CFAP69: variants seen among roughly 807,000 people sequenced by gnomAD.
CFAP69 encodes cilia- and flagella-associated protein 69.
Under a neutral mutation model 123.0 loss-of-function variants are expected in CFAP69, and 92 were observed. That is an observed-to-expected ratio of 0.75 (90% CI 0.63 to 0.89). The LOEUF is 0.89. Ranked by LOEUF, CFAP69 falls within the 40% of genes least tolerant of loss-of-function variation. CFAP69 has a pLI of 0.00. For missense variants in CFAP69, 1,067 were observed against 1,096.9 expected (o/e 0.97, Z 0.39); for synonymous variants, 380 against 364.3 (o/e 1.04, Z -0.49).
At chr7:90,297,283 A>G (rs1767621949) in intron 15 of CFAP69, among the ~76,000 whole-genome samples, 1 of 152,190 alleles carries the variant, frequency 6.6e-6, no homozygotes, top group African/African-American at 2.4e-5. Flanking sequence ...ATAATGAGGC[A>G]TGTCCAACCC....
Position 90,309,361 on chromosome 7 carries a change from C to T in CFAP69, c.2649C>T (p.Asn883=). 6.5e-7 allele frequency: 1 copy of T among 1,538,376 alleles called. No homozygotes were observed. Among genetic ancestry groups the T allele is most frequent in the Non-Finnish European group, 8.9e-7 (1 of 1,126,856 alleles). Residue 883 remains asparagine, a synonymous_variant, in exon 22 of 23, where the codon AAC becomes AAT. Transcript: ENST00000389297. ...ACCAAACACATATTAAAGGCCTTAA[C>T]ACAACGGTAAGATTCTTTCTCCATA... ...IFHQTHIKGL[N]TTVPSGGVVT... is the part of the protein sequence containing the mutation.
intron 1 of CFAP69, among the ~76,000 whole-genome samples, chr7:90,247,866 CA>C (rs1312739174): frequency 6.6e-6 from 1 of 152,008 alleles, no homozygotes; most frequent in Non-Finnish European, 1.5e-5. Flanking sequence ...CAAAACAAAA[CA>C]AAAAGAAATA....
Position 90,309,362 on chromosome 7 carries a change from A to C in CFAP69, c.2650A>C (p.Thr884Pro). The change falls in exon 22 of 23, where the codon ACA becomes CCA. Residue 884 changes from threonine (T) to proline (P), a missense_variant. By Grantham distance (38) the Thr-to-Pro change is conservative (BLOSUM62 -1). Transcript: ENST00000389297. ...CCAAACACATATTAAAGGCCTTAAC[A>C]CAACGGTAAGATTCTTTCTCCATAA... is the stretch of plus-strand genomic sequence containing the variant. ...FHQTHIKGLNTTVPSGGVVTV... is the reference protein window; with the variant it reads ...FHQTHIKGLNPTVPSGGVVTV... 1.3e-6 allele frequency: 2 copies of C among 1,526,596 alleles called. No homozygotes were observed. Among genetic ancestry groups the C allele is most frequent in the Non-Finnish European group, 1.8e-6 (2 of 1,117,982 alleles). The allele number at this position is 1,526,596 out of a possible 1,614,324, so 94.6% of individuals were successfully genotyped here.
intron 15 of CFAP69, among the ~76,000 whole-genome samples, chr7:90,290,918 C>G (rs1791086309): frequency 6.6e-6 from 1 of 151,914 alleles, no homozygotes; most frequent in Admixed American, 6.6e-5. Context: ...TCTGTTGCAA[C>G]CACCAGTGAT....
chr7:90,303,765 A>G, intron 17 of CFAP69: 1 of 1,150,310 alleles, frequency 8.7e-7, no homozygotes. Context: ...AATAAAAATG[A>G]AGGCTCTAAG....
intron 17 of CFAP69, chr7:90,300,556 T>C: frequency 1.9e-6 from 1 of 529,714 alleles, no homozygotes. Flanking sequence ...TCAAAAATTT[T>C]AATTACTAGA....
Position 90,271,976 on chromosome 7 carries a change from G to T in CFAP69, c.860+18G>T. On this transcript the variant is annotated intron_variant, in intron 8 of 22. Transcript: ENST00000389297. ...TGTTTGCTGTAAGCGTATGTGGTTA[G>T]ATAGGAATGTTCTTTTAATCTTAAA... 1 of 1,589,088 alleles carries T rather than the reference G, an allele frequency of 6.3e-7. No homozygotes were observed. Among genetic ancestry groups the T allele is most frequent in the Non-Finnish European group, 8.6e-7 (1 of 1,167,358 alleles).
the CFAP69 span, chr7:90,322,103 G>A: frequency 1.3e-5 from 2 of 152,434 alleles, no homozygotes; most frequent in Non-Finnish European, 2.9e-5. Flanking sequence ...CCCTGCTAAA[G>A]CTCACTTCTC....
rs71104454 is a variant in CFAP69, at chr7:90,264,104, AAT to A, written c.357-1152_357-1151del. On this transcript the variant is annotated intron_variant, in intron 4 of 22. Coordinates refer to ENST00000389297, the MANE Select transcript of CFAP69 (RefSeq NM_001039706.3). Reference sequence around the variant, plus strand: ...AGACTCCATCTCGAAAAAAAAAAAAAATATATATATATATATATATATATATA... The same window carrying A: ...AGACTCCATCTCGAAAAAAAAAAAAAATATATATATATATATATATATATA... Among the ~76,000 whole-genome samples, 365 of 48,802 alleles carry A rather than the reference AAT, an allele frequency of 7.5e-3. 1 individual carries two copies. Among genetic ancestry groups the A allele is most frequent in the Non-Finnish European group, 0.013 (312 of 24,762 alleles). 32.0% of individuals were successfully genotyped at this position (48,802 alleles called of 152,430 possible).
intron 1 of CFAP69, among the ~76,000 whole-genome samples, chr7:90,253,638 C>T (rs566942154): frequency 8.6e-4 from 131 of 152,150 alleles, no homozygotes; most frequent in African/African-American, 2.7e-3. Context: ...ATGATCCACC[C>T]GCCTCCTCCT....
At chr7:90,291,000 T>G (rs1250283219) in intron 15 of CFAP69, among the ~76,000 whole-genome samples, 2 of 152,012 alleles carry the variant, frequency 1.3e-5, no homozygotes, top group Admixed American at 1.3e-4. Flanking sequence ...TAAACCTTGA[T>G]TCCATGTGAG....
chr7:90,311,576 G>A (rs140582461), downstream of CFAP69, among the ~76,000 whole-genome samples: 475 of 152,222 alleles, frequency 3.1e-3, 3 homozygotes, highest in African/African-American at 0.011. Flanking sequence ...TCACCTCAAT[G>A]TACCCACATT....
chr7:90,255,560 C>A (rs2116640046), intron 2 of CFAP69, 78 bp downstream of exon 2: 1 of 1,062,672 alleles, frequency 9.4e-7, no homozygotes, highest in Non-Finnish European at 1.4e-6. Flanking sequence ...TATATTCCTT[C>A]AAATGTAAGT....
At chr7:90,321,034 G>A in the CFAP69 span, 1 of 152,184 alleles carries the variant, frequency 6.6e-6, no homozygotes, top group African/African-American at 2.4e-5. Flanking sequence ...AGGAGGACGG[G>A]GCGCCTCCTG....
At chr7:90,270,891 A>G (rs1799850853) in intron 6 of CFAP69, among the ~76,000 whole-genome samples, 1 of 152,128 alleles carries the variant, frequency 6.6e-6, no homozygotes, top group South Asian at 2.1e-4. Flanking sequence ...CATGTCACCA[A>G]GAATCAAACT....
Position 90,310,119 on chromosome 7 carries a change from G to A in CFAP69, c.2707G>A (p.Gly903Arg), listed in dbSNP as rs751201487. ...GGAAAGCACTCCTGCCCGATTAGTA[G>A]GAGGACCTCTGGTTGATACGGATAT... is the stretch of plus-strand genomic sequence containing the variant. ...TVESTPARLV[G>R]GPLVDTDIAL... is the part of the protein sequence containing the mutation. The change falls in exon 23 of 23, where the codon GGA becomes AGA. Residue 903 changes from glycine to arginine, a missense_variant. Transcript: ENST00000389297. The A allele has an allele frequency of 4.3e-6, 7 of 1,613,848 alleles. No homozygotes were observed. The highest frequency in any genetic ancestry group is 5.9e-6 in the Non-Finnish European group (7 of 1,179,830).
At chr7:90,274,184 G>A (rs1800401013) in intron 9 of CFAP69, 74 bp downstream of exon 9, 1 of 1,524,042 alleles carries the variant, frequency 6.6e-7, no homozygotes, top group South Asian at 1.2e-5. Flanking sequence ...CCTATATTAT[G>A]TTGGAATATT....
intron 11 of CFAP69, among the ~76,000 whole-genome samples, chr7:90,277,820 G>A (rs1162826708): frequency 1.3e-5 from 2 of 152,032 alleles, no homozygotes; most frequent in Non-Finnish European, 2.9e-5. Context: ...CTGCATAACA[G>A]CGTGATATAA....
At chr7:90,321,308 C>G in the CFAP69 span, 2 of 152,288 alleles carry the variant, frequency 1.3e-5, no homozygotes, top group Admixed American at 6.5e-5. Context: ...GAGACAGACC[C>G]GCCGCTGGGA....
Sources: gnomAD v4.1 joint callset for allele counts (sites outside exome capture counted in the v4.1 genomes callset) on GRCh38, gnomAD v4.1.1 for gene constraint, MANE v1.5 for transcripts, NCBI Gene and HGNC (gene_info 2026-07-23, HGNC 2026-07-21) for gene names.